Variants in AP2A2 observed in about 807,000 individuals in gnomAD.
The protein encoded by AP2A2 is adaptor related protein complex 2 subunit alpha 2, also known as AP-2 complex subunit alpha-2.
In AP2A2, 32 loss-of-function variants were observed where a neutral mutation model predicts 104.2. The ratio of observed to expected loss-of-function variants is 0.31; its 90% CI spans 0.23 to 0.41. AP2A2 has a LOEUF of 0.41. AP2A2 is among the 10% of genes least tolerant of loss of function. AP2A2 has a pLI of 1.00. For missense variants in AP2A2, 912 were observed against 1,261.0 expected (o/e 0.72, Z 4.19); for synonymous variants, 539 against 533.3 (o/e 1.01, Z -0.15).
At chr11:1,009,290 G>C (rs1229556552) in intron 19 of AP2A2, 38 bp from the exon 20 acceptor site, 1 of 1,611,176 alleles carries the variant, frequency 6.2e-7, no homozygotes, top group Non-Finnish European at 8.5e-7. Context: ...TTGGTCTCTG[G>C]CCTGGCTGAG....
At chr11:947,205 T>G (rs1006339918) in intron 1 of AP2A2, among the ~76,000 whole-genome samples, 1 of 152,024 alleles carries the variant, frequency 6.6e-6, no homozygotes, top group Non-Finnish European at 1.5e-5. Context: ...GAGACAGGGT[T>G]TTGCCATGTT....
rs530643033 is a variant in AP2A2, at chr11:993,147, G to A, written c.1453-137G>A. 12 of 648,634 alleles carry A rather than the reference G, an allele frequency of 1.9e-5. No homozygotes were observed. Among genetic ancestry groups the A allele is most frequent in the East Asian group, 1.7e-4 (6 of 35,576 alleles). 40.2% of individuals were successfully genotyped at this position (648,634 alleles called of 1,614,324 possible). A position where few individuals can be genotyped will look rare whatever the true frequency, so the allele number is the denominator to read the frequency against. Reference sequence around the variant, plus strand: ...GTACTGAGGGTGCTGAGGAAGGCAGGGATGGGCACTTGGACTGGGGTCTCC... The same window carrying A: ...GTACTGAGGGTGCTGAGGAAGGCAGAGATGGGCACTTGGACTGGGGTCTCC... On this transcript the variant is annotated intron_variant, in intron 11 of 21. Coordinates refer to ENST00000448903, the MANE Select transcript of AP2A2 (RefSeq NM_012305.4). The surrounding 1 kb of genome is among the most constrained non-coding windows in gnomAD (Gnocchi z 8.2).
intron 1 of AP2A2, among the ~76,000 whole-genome samples, chr11:935,639 G>A (rs1337545442): frequency 1.1e-5 from 1 of 89,208 alleles, no homozygotes; most frequent in Non-Finnish European, 2.2e-5. Flanking sequence ...ATAGAGTCTC[G>A]CTGTGTTGCC....
intron 1 of AP2A2, 89 bp downstream of exon 1, chr11:926,177 C>T (rs1853113849): frequency 2.6e-6 from 2 of 766,940 alleles, no homozygotes; most frequent in Non-Finnish European, 3.2e-6. Flanking sequence ...GGCCTCGAGG[C>T]GGGGGTGCAG....
intron 10 of AP2A2, among the ~76,000 whole-genome samples, chr11:991,885 G>C (rs547559358): frequency 4.7e-4 from 72 of 152,262 alleles, no homozygotes; most frequent in Non-Finnish European, 8.1e-4. Flanking sequence ...GGTTCCAGGC[G>C]AGGTGACTTT....
At chr11:958,243 C>T (rs1268143151) in intron 1 of AP2A2, among the ~76,000 whole-genome samples, 1 of 152,196 alleles carries the variant, frequency 6.6e-6, no homozygotes, top group African/African-American at 2.4e-5. Flanking sequence ...GTCTGCAAGC[C>T]AGGAAGAGAG....
intron 14 of AP2A2, among the ~76,000 whole-genome samples, chr11:996,867 G>GTCCA (rs1564817864): frequency 4.6e-5 from 7 of 150,708 alleles, no homozygotes; most frequent in South Asian, 2.1e-4. Context: ...GGGCACCTCC[G>GTCCA]TCCTGACTGA....
At chr11:960,784 C>T (rs1471186752) in intron 2 of AP2A2, among the ~76,000 whole-genome samples, 1 of 152,172 alleles carries the variant, frequency 6.6e-6, no homozygotes, top group Non-Finnish European at 1.5e-5. Flanking sequence ...TCCCAACATG[C>T]TGGGATTACA....
At chr11:988,877 C>T (rs550963084) in intron 10 of AP2A2, 188 bp downstream of exon 10, 7 of 734,920 alleles carry the variant, frequency 9.5e-6, no homozygotes, top group South Asian at 9.1e-5. Flanking sequence ...CACCTGTGGT[C>T]CCCGCTACTC....
intron 1 of AP2A2, among the ~76,000 whole-genome samples, chr11:930,543 C>T (rs1042573913): frequency 3.0e-4 from 45 of 150,898 alleles, no homozygotes; most frequent in Non-Finnish European, 5.6e-4. Flanking sequence ...TTTTTTGAGA[C>T]GGAGTTGCGC....
chr11:937,036 A>G (rs1284572729), intron 1 of AP2A2, among the ~76,000 whole-genome samples: 4 of 151,368 alleles, frequency 2.6e-5, no homozygotes, highest in African/African-American at 7.3e-5. Flanking sequence ...ATATTTGTTT[A>G]TTTATTGAGA....
chr11:1,004,348 C>CTG (rs1318961799), intron 16 of AP2A2, among the ~76,000 whole-genome samples: 1 of 152,140 alleles, frequency 6.6e-6, no homozygotes, highest in Admixed American at 6.5e-5. Context: ...TGGTGTGTGC[C>CTG]TGTGGTCCCA....
At chr11:963,404 C>A (rs183956271) in intron 2 of AP2A2, among the ~76,000 whole-genome samples, 1 of 150,922 alleles carries the variant, frequency 6.6e-6, no homozygotes, top group African/African-American at 2.4e-5. Flanking sequence ...ACAGCCTGGG[C>A]GACAGAGTGA....
Position 930,120 on chromosome 11 carries a change from CAAAAAAA to C in AP2A2, c.67+4049_67+4055del, listed in dbSNP as rs1157025547. Among the ~76,000 whole-genome samples the C allele has an allele frequency of 9.6e-5, 5 of 52,008 alleles. No individual in the cohort carries two copies. The East Asian group carries it at 1.9e-3, about 20-fold the overall frequency. The allele number at this position is 52,008 out of a possible 152,430, so 34.1% of individuals were successfully genotyped here. On this transcript the variant is annotated intron_variant, in intron 1 of 21. Coordinates refer to ENST00000448903, the MANE Select transcript of AP2A2 (RefSeq NM_012305.4). ...TGGGTGACAGAGCGAGACTCTGTCTCAAAAAAAAAAAAAAAAAAAAAAAGCCCTGTGC... is the reference window on the plus strand; with the variant it reads ...TGGGTGACAGAGCGAGACTCTGTCTCAAAAAAAAAAAAAAAAGCCCTGTGC...
At chr11:970,135 C>T (rs1459056687) in intron 2 of AP2A2, 34 bp from the exon 3 acceptor site, 1 of 1,611,010 alleles carries the variant, frequency 6.2e-7, no homozygotes, top group East Asian at 2.2e-5. Context: ...CTCTGCCCGC[C>T]TGGAATAAAA....
intron 14 of AP2A2, among the ~76,000 whole-genome samples, chr11:999,606 G>C (rs1387959715): frequency 6.6e-6 from 1 of 152,180 alleles, no homozygotes; most frequent in Non-Finnish European, 1.5e-5. Flanking sequence ...TGGGATTACA[G>C]GTGTGGGGCA....
chr11:936,563 T>G (rs929378112), intron 1 of AP2A2, among the ~76,000 whole-genome samples: 11 of 152,110 alleles, frequency 7.2e-5, no homozygotes, highest in African/African-American at 2.7e-4. Flanking sequence ...TTTAAAAAAC[T>G]TTTTTGTAGA....
intron 4 of AP2A2, among the ~76,000 whole-genome samples, chr11:975,245 CATTA>C (rs1854981436): frequency 6.6e-6 from 1 of 152,012 alleles, no homozygotes; most frequent in Non-Finnish European, 1.5e-5. Flanking sequence ...TGTGAGCCGA[CATTA>C]GCGAGTAGCT....
At chr11:967,793 G>A (rs1468058984) in intron 2 of AP2A2, among the ~76,000 whole-genome samples, 2 of 152,120 alleles carry the variant, frequency 1.3e-5, no homozygotes, top group African/African-American at 2.4e-5. Flanking sequence ...TCCTTTTATG[G>A]TTTAGGATGA....
Sources: gnomAD v4.1 joint callset for allele counts (sites outside exome capture counted in the v4.1 genomes callset) on GRCh38, gnomAD v4.1.1 for gene constraint, Gnocchi (gnomAD v3.1) non-coding constraint, MANE v1.5 for transcripts, NCBI Gene and HGNC (gene_info 2026-07-23, HGNC 2026-07-21) for gene names.